Variants in CUX2 observed in about 807,000 individuals in gnomAD.
CUX2 encodes homeobox protein cut-like 2.
CUX2 carries 40 observed loss-of-function variants against 144.8 expected under a neutral mutation model. The observed-to-expected ratio is 0.28, with a 90% CI of 0.21 to 0.36. The LOEUF (loss-of-function observed/expected upper bound fraction) is 0.36. CUX2 is among the 10% of genes least tolerant of loss of function. CUX2 has a pLI of 1.00. For missense variants in CUX2, 1,615 were observed against 1,994.0 expected, an observed-to-expected ratio of 0.81 and a Z score of 3.62; for synonymous variants, 827 against 875.6, an observed-to-expected ratio of 0.94 and a Z score of 0.98.
At position 111,057,941 on chromosome 12, in the gene CUX2, T is replaced by C. The variant is rs1421902404; in HGVS notation, c.63+23701T>C. 2.6e-5 allele frequency among the ~76,000 whole-genome samples: 4 copies of C among 152,190 alleles called. No homozygotes were observed. Among genetic ancestry groups the C allele is most frequent in the Non-Finnish European group, 5.9e-5 (4 of 68,024 alleles). The stretch of plus-strand genomic sequence containing the variant: ...CGTTAGCAGCCCTGGAAGCATGTAA[T>C]TTGGCCCCTCAGGCAACAGCACTTT... On this transcript the variant is annotated intron_variant, in intron 1 of 21. Transcript: ENST00000261726. The surrounding 1 kb of genome is among the most constrained non-coding windows in gnomAD (Gnocchi z 5.1).
In CUX2 at chr12:111,319,993, C is replaced by G; in HGVS notation, c.2003-19C>G. Reference sequence around the variant, plus strand: ...GCCCTGACCCTGGGCCTCGGGCCGTCCTGTCCCCCTCCCCGCAGGCGAGCC... The same window carrying G: ...GCCCTGACCCTGGGCCTCGGGCCGTGCTGTCCCCCTCCCCGCAGGCGAGCC... On this transcript the variant is annotated intron_variant, in intron 16 of 21. Transcript: ENST00000261726. 1 of 1,485,886 alleles carries G rather than the reference C, an allele frequency of 6.7e-7. No homozygotes were observed. 92.0% of individuals were successfully genotyped at this position (1,485,886 alleles called of 1,614,324 possible).
rs769390091 is a variant in CUX2, at chr12:111,342,083, G to A, written c.3659+30G>A. ...GACTATGGGGGCGTACCCACAGGCG[G>A]GTGGCAGAATCCAGGTGGGACCCCT... is the stretch of plus-strand genomic sequence containing the variant. On this transcript the variant is annotated intron_variant, in intron 21 of 21. Transcript: ENST00000261726. The A allele has an allele frequency of 5.7e-6, 9 of 1,583,784 alleles. No homozygotes were observed. In the African/African-American group the frequency reaches 8.1e-5, roughly 14 times the overall value.
chr12:111,040,244 A>G (rs1335398425), intron 1 of CUX2, among the ~76,000 whole-genome samples: 2 of 151,868 alleles, frequency 1.3e-5, no homozygotes, highest in Non-Finnish European at 1.5e-5. Flanking sequence ...CTATGATCAT[A>G]CCATTGCACT....
rs1017653268 is a variant in CUX2 at position 111,255,574 on chromosome 12, G to A, written c.223-8187G>A. ...AACCAAAGAATCGATTCTGAGTGGA[G>A]GCTGAGAAGCATGGGCTTTGCTGTC... On this transcript the variant is annotated intron_variant, in intron 3 of 21. Transcript: ENST00000261726. This position sits in a 1 kb window ranked among gnomAD's most constrained non-coding sequence, Gnocchi z 4.1. Among the ~76,000 whole-genome samples, 2 of 152,222 alleles carry A rather than the reference G, an allele frequency of 1.3e-5. No individual in the cohort carries two copies. The highest frequency in any genetic ancestry group is 4.8e-5 in the African/African-American group (2 of 41,458).
intron 3 of CUX2, among the ~76,000 whole-genome samples, chr12:111,244,930 A>C (rs1476589421): frequency 2.0e-5 from 3 of 152,182 alleles, no homozygotes; most frequent in Admixed American, 2.0e-4. Context: ...CCCACCAAAT[A>C]CATGCCTCTC....
chr12:111,284,093 C>A (rs545193153), intron 4 of CUX2, among the ~76,000 whole-genome samples: 1 of 152,130 alleles, frequency 6.6e-6, no homozygotes, highest in Non-Finnish European at 1.5e-5. Flanking sequence ...AAATCCCTTG[C>A]GTATCTCTTG....
rs775495974 is a variant in CUX2, at chr12:111,347,757, T to A, written c.3893T>A (p.Ile1298Asn). The part of the protein sequence containing the change: ...LTTQDKAQVR[I>N]KQEQMEEDAE... ...ACCCAGGACAAGGCCCAAGTGAGGA[T>A]CAAGCAGGAACAGATGGAGGAGGAT... Residue 1298 changes from isoleucine to asparagine, a missense_variant, in exon 22 of 22, where the codon ATC becomes AAC. Physicochemically the swap from Ile to Asn is moderately radical, Grantham distance 149. Coordinates refer to ENST00000261726, the MANE Select transcript of CUX2 (RefSeq NM_015267.4). 1.2e-6 allele frequency: 2 copies of A among 1,612,638 alleles called. No individual in the cohort carries two copies. Among genetic ancestry groups the A allele is most frequent in the Non-Finnish European group, 1.7e-6 (2 of 1,179,674 alleles).
chr12:111,196,024 C>T (rs1880218008), intron 1 of CUX2, among the ~76,000 whole-genome samples: 2 of 152,176 alleles, frequency 1.3e-5, no homozygotes, highest in African/African-American at 4.8e-5. Flanking sequence ...TGTCTGATCC[C>T]ACTCCCAGCC....
intron 1 of CUX2, among the ~76,000 whole-genome samples, chr12:111,127,565 A>G (rs1468250866): frequency 6.6e-6 from 1 of 152,228 alleles, no homozygotes; most frequent in Non-Finnish European, 1.5e-5. Flanking sequence ...CTTCCTTTTC[A>G]GTGGAATAAG....
intron 1 of CUX2, among the ~76,000 whole-genome samples, chr12:111,115,959 C>T (rs1324501861): frequency 6.6e-6 from 1 of 152,154 alleles, no homozygotes; most frequent in Non-Finnish European, 1.5e-5. Context: ...TGACATAGAT[C>T]TGAGAACACT....
intron 1 of CUX2, among the ~76,000 whole-genome samples, chr12:111,074,489 G>C (rs181247563): frequency 6.6e-6 from 1 of 152,038 alleles, no homozygotes; most frequent in Non-Finnish European, 1.5e-5. Context: ...GCTCTCTGCT[G>C]TGAGTGAAGA....
intron 1 of CUX2, among the ~76,000 whole-genome samples, chr12:111,206,422 A>G (rs1172367831): frequency 6.6e-6 from 1 of 152,244 alleles, no homozygotes; most frequent in Non-Finnish European, 1.5e-5. Context: ...TCATCCTTCC[A>G]GACACAGGTC....
intron 1 of CUX2, among the ~76,000 whole-genome samples, chr12:111,071,958 T>C (rs1277587560): frequency 1.3e-5 from 2 of 152,248 alleles, no homozygotes; most frequent in Non-Finnish European, 2.9e-5. Flanking sequence ...CTCTCTGTCC[T>C]GTTCTATCGA....
chr12:111,175,858 G>T (rs1878820888), intron 1 of CUX2, among the ~76,000 whole-genome samples: 1 of 151,560 alleles, frequency 6.6e-6, no homozygotes, highest in Non-Finnish European at 1.5e-5. Flanking sequence ...ACATGTTTTT[G>T]TGTCTTTAAC....
chr12:111,177,060 A>G (rs1878898731), intron 1 of CUX2, among the ~76,000 whole-genome samples: 1 of 152,136 alleles, frequency 6.6e-6, no homozygotes, highest in African/African-American at 2.4e-5. Flanking sequence ...AGAGGACAAA[A>G]TCACCCCTGC....
chr12:111,152,105 G>A (rs1877085840), intron 1 of CUX2, among the ~76,000 whole-genome samples: 1 of 151,958 alleles, frequency 6.6e-6, no homozygotes, highest in African/African-American at 2.4e-5. Context: ...GCCAACATGG[G>A]GAAACCCCAT....
intron 1 of CUX2, among the ~76,000 whole-genome samples, chr12:111,109,887 T>C (rs894291418): frequency 3.9e-5 from 6 of 152,164 alleles, no homozygotes; most frequent in Non-Finnish European, 8.8e-5. Flanking sequence ...TTTTTGTTTT[T>C]TGGTTTGAGA....
chr12:111,051,890 C>T (rs1021938089), intron 1 of CUX2, among the ~76,000 whole-genome samples: 1 of 151,324 alleles, frequency 6.6e-6, no homozygotes, highest in African/African-American at 2.4e-5. Context: ...AACTATATTA[C>T]TTGAGGATTT....
chr12:111,053,194 C>T (rs1870363022), intron 1 of CUX2, among the ~76,000 whole-genome samples: 1 of 152,178 alleles, frequency 6.6e-6, no homozygotes, highest in Admixed American at 6.5e-5. Context: ...CATGCAGGGC[C>T]CAGCACGGCG....
Sources: allele counts gnomAD v4.1 joint callset (sites outside exome capture counted in the v4.1 genomes callset), GRCh38; gene constraint gnomAD v4.1.1; non-coding constraint Gnocchi (gnomAD v3.1); transcripts MANE v1.5; gene names NCBI Gene and HGNC (gene_info 2026-07-23, HGNC 2026-07-21).